The following ARHGAP35 variants were observed in gnomAD, a reference collection of about 807,000 sequenced individuals.
The protein encoded by ARHGAP35 is Rho GTPase activating protein 35.
Under a neutral mutation model 111.1 loss-of-function variants are expected in ARHGAP35, and 15 were observed. The observed-to-expected ratio is 0.13, with a 90% confidence interval of 0.09 to 0.21. The LOEUF is 0.21. ARHGAP35 is among the 10% of genes least tolerant of loss of function. The pLI is 1.00. For synonymous variants in ARHGAP35, 643 were observed against 710.3 expected (o/e 0.91, Z 1.51); for missense variants, 1,262 against 1,873.0 (o/e 0.67, Z 6.02).
At position 46,918,941 on chromosome 19, in the gene ARHGAP35, G is replaced by A. The variant is rs1238649495; in HGVS notation, c.266G>A (p.Cys89Tyr). 6.2e-7 allele frequency: 1 copy of A among 1,613,910 alleles called. No individual in the cohort carries two copies. The highest frequency in any genetic ancestry group is 8.5e-7 in the Non-Finnish European group (1 of 1,179,904). ...CGCTCCCTGGAGGATTGTGTGGAATGTAAGATGCACATTGTGGAGCAGACT... is the reference window on the plus strand; with the variant it reads ...CGCTCCCTGGAGGATTGTGTGGAATATAAGATGCACATTGTGGAGCAGACT... The part of the protein sequence containing the change: ...VSRSLEDCVE[C>Y]KMHIVEQTEF... Residue 89 changes from cysteine to tyrosine, a missense_variant, in exon 2 of 7, where the codon TGT (cysteine) becomes TAT (tyrosine). Physicochemically the swap from Cys to Tyr is radical, Grantham distance 194. Transcript: ENST00000672722. The surrounding 1 kb of genome is among the most constrained non-coding windows in gnomAD (Gnocchi z 5.4).
At chr19:46,886,771 C>T (rs2055995145) in intron 1 of ARHGAP35, among the ~76,000 whole-genome samples, 1 of 134,930 alleles carries the variant, frequency 7.4e-6, no homozygotes, top group Non-Finnish European at 1.6e-5. Context: ...TATCCTAATG[C>T]TTAAGAATCC....
Position 46,922,225 on chromosome 19 carries a change from G to A in ARHGAP35, c.3550G>A (p.Gly1184Arg), listed in dbSNP as rs758004253. The A allele has an allele frequency of 1.9e-6, 3 of 1,613,824 alleles. No individual in the cohort carries two copies. The highest frequency in any genetic ancestry group is 2.2e-5 in the South Asian group (2 of 91,084). Residue 1184 changes from glycine to arginine, a missense_variant, in exon 2 of 7, where the codon GGG becomes AGG. Transcript: ENST00000672722. The surrounding 1 kb of genome is among the most constrained non-coding windows in gnomAD (Gnocchi z 4.0). ...CAGCGTGGGGAGTGATGATGAGCTG[G>A]GGCCCATCCGGAAGAAAGAGGAGGA... ...SFSVGSDDEL[G>R]PIRKKEEDQA...
intron 3 of ARHGAP35, among the ~76,000 whole-genome samples, chr19:46,972,652 A>C (rs2056557234): frequency 6.6e-6 from 1 of 152,178 alleles, no homozygotes; most frequent in African/African-American, 2.4e-5. Flanking sequence ...CTTGCAAAGT[A>C]CTTGCACATA....
chr19:46,964,674 A>G (rs1212587866), intron 3 of ARHGAP35, among the ~76,000 whole-genome samples: 1 of 152,214 alleles, frequency 6.6e-6, no homozygotes, highest in Non-Finnish European at 1.5e-5. Flanking sequence ...ATGTGGGATA[A>G]TATTTGCTTG....
intron 1 of ARHGAP35, among the ~76,000 whole-genome samples, chr19:46,898,283 G>A (rs1296231347): frequency 1.3e-5 from 2 of 150,706 alleles, no homozygotes; most frequent in Non-Finnish European, 3.0e-5. Context: ...TGTGTGTAAG[G>A]TTCTGAGGAA....
At chr19:46,872,874 C>A (rs1054332606) in intron 1 of ARHGAP35, among the ~76,000 whole-genome samples, 1 of 121,156 alleles carries the variant, frequency 8.3e-6, no homozygotes, top group Non-Finnish European at 1.8e-5. Flanking sequence ...GAGCAAGACT[C>A]CGTCTCAAAA....
chr19:46,921,840 T>G lies in ARHGAP35; in HGVS notation c.3165T>G (p.Asp1055Glu). The G allele has an allele frequency of 1.2e-6, 2 of 1,613,888 alleles. No homozygotes were observed. The highest frequency in any genetic ancestry group is 2.7e-5 in the African/African-American group (2 of 74,980). The change falls in exon 2 of 7, where the codon GAT (aspartate) becomes GAG (glutamate). Residue 1055 changes from aspartate (D) to glutamate (E), a missense_variant. Physicochemically the swap from Asp to Glu is conservative, Grantham distance 45 (BLOSUM62 2). Coordinates refer to ENST00000672722, the MANE Select transcript of ARHGAP35 (RefSeq NM_004491.5). This position sits in a 1 kb window ranked among gnomAD's most constrained non-coding sequence, Gnocchi z 4.3. ...TCCATTTTGAAATTACAAAGGGGGA[T>G]CTATCTTATTTAGACCAAGGCCATA... ...PPVHFEITKG[D>E]LSYLDQGHRD... is the part of the protein sequence containing the mutation.
chr19:46,974,043 T>C (rs922524110), intron 3 of ARHGAP35, among the ~76,000 whole-genome samples: 2 of 151,248 alleles, frequency 1.3e-5, no homozygotes, highest in Admixed American at 1.3e-4. Flanking sequence ...CAGGCTAGAG[T>C]GTAATAGCAC....
intron 3 of ARHGAP35, among the ~76,000 whole-genome samples, chr19:46,952,745 C>T (rs1180362395): frequency 3.3e-5 from 5 of 152,220 alleles, no homozygotes; most frequent in African/African-American, 1.2e-4. Flanking sequence ...GCGATCTCAG[C>T]TCGCAGCGTG....
intron 3 of ARHGAP35, among the ~76,000 whole-genome samples, chr19:46,975,791 G>A (rs918706389): frequency 3.3e-5 from 5 of 152,088 alleles, no homozygotes; most frequent in Non-Finnish European, 7.4e-5. Flanking sequence ...AAAAACCTCC[G>A]TGTTTCCCTC....
chr19:46,913,398 A>G, intron 1 of ARHGAP35, among the ~76,000 whole-genome samples: 1 of 151,892 alleles, frequency 6.6e-6, no homozygotes, highest in South Asian at 2.1e-4. Context: ...TCCTACAAAA[A>G]TGTGTGCTAT....
intron 3 of ARHGAP35, among the ~76,000 whole-genome samples, chr19:46,983,573 T>C (rs934090547): frequency 6.6e-6 from 1 of 151,494 alleles, no homozygotes; most frequent in Non-Finnish European, 1.5e-5. Flanking sequence ...AGTTATATAT[T>C]GAGAGAATAT....
At chr19:46,886,023 T>C (rs953302772) in intron 1 of ARHGAP35, among the ~76,000 whole-genome samples, 4 of 152,210 alleles carry the variant, frequency 2.6e-5, no homozygotes, top group African/African-American at 7.2e-5. Context: ...TTCATTTCTC[T>C]AATGCCTCCT....
chr19:46,892,142 A>G (rs958846977), intron 1 of ARHGAP35, among the ~76,000 whole-genome samples: 39 of 149,982 alleles, frequency 2.6e-4, no homozygotes, highest in African/African-American at 7.6e-4. Context: ...AAAAAAAAAA[A>G]AAAAAGAAAA....
chr19:46,880,698 A>G (rs1376707417), intron 1 of ARHGAP35, among the ~76,000 whole-genome samples: 3 of 151,750 alleles, frequency 2.0e-5, no homozygotes, highest in African/African-American at 4.8e-5. Context: ...TTTTTAAGAG[A>G]TGAGGTCTTG....
At chr19:46,896,017 G>A (rs1164273406) in intron 1 of ARHGAP35, among the ~76,000 whole-genome samples, 2 of 151,996 alleles carry the variant, frequency 1.3e-5, no homozygotes, top group Non-Finnish European at 2.9e-5. Context: ...CAGGAGAATC[G>A]CTTAAACCCA....
chr19:46,980,064 G>A (rs538593666), intron 3 of ARHGAP35, among the ~76,000 whole-genome samples: 116 of 152,232 alleles, frequency 7.6e-4, no homozygotes, highest in African/African-American at 2.7e-3. Flanking sequence ...TCTCAGGCCA[G>A]ACATCCTTGC....
Position 46,921,645 on chromosome 19 carries a change from G to A in ARHGAP35, c.2970G>A (p.Glu990=). The part of the protein sequence containing the change: ...SNLQDSEEDI[E]PSYSLFREDT... ...TGCAGGATTCAGAAGAAGATATCGAGCCATCTTACAGCCTGTTTCGAGAAG... is the reference window on the plus strand; with the variant it reads ...TGCAGGATTCAGAAGAAGATATCGAACCATCTTACAGCCTGTTTCGAGAAG... The change falls in exon 2 of 7, where the codon GAG becomes GAA. Residue 990 remains glutamate (E), a synonymous_variant. Coordinates refer to ENST00000672722, the MANE Select transcript of ARHGAP35 (RefSeq NM_004491.5). This position sits in a 1 kb window ranked among gnomAD's most constrained non-coding sequence, Gnocchi z 4.3. 9 of 1,613,964 alleles carry A rather than the reference G, an allele frequency of 5.6e-6. No individual in the cohort carries two copies. The highest frequency in any genetic ancestry group is 7.6e-6 in the Non-Finnish European group (9 of 1,179,896).
chr19:46,867,848 C>G (rs1246045420), intron 1 of ARHGAP35, among the ~76,000 whole-genome samples: 4 of 151,870 alleles, frequency 2.6e-5, no homozygotes, highest in African/African-American at 4.8e-5. Context: ...AGGGCATGCT[C>G]TCCTGGTCAG....
Sources: allele counts gnomAD v4.1 joint callset (sites outside exome capture counted in the v4.1 genomes callset), GRCh38; gene constraint gnomAD v4.1.1; non-coding constraint Gnocchi (gnomAD v3.1); transcripts MANE v1.5; gene names NCBI Gene and HGNC (gene_info 2026-07-23, HGNC 2026-07-21).